Variants in IFT43 observed in about 807,000 individuals in gnomAD.
IFT43 encodes intraflagellar transport 43.
IFT43 carries 33 observed loss-of-function variants against 32.3 expected under a neutral mutation model. The ratio of observed to expected loss-of-function variants is 1.02; its 90% CI spans 0.77 to 1.37. The LOEUF (loss-of-function observed/expected upper bound fraction) is 1.37. Among genes scored for constraint, IFT43 ranks in the 40% most tolerant of loss-of-function variants. The probability of loss-of-function intolerance (pLI) is 0.00; values close to 1 mark genes in which losing one functional copy is unlikely to be tolerated. For synonymous variants in IFT43, 93 were observed against 98.2 expected (o/e 0.95, Z 0.31); for missense variants, 274 against 265.9 (o/e 1.03, Z -0.21).
At chr14:75,990,667 C>T (rs914032207) in intron 2 of IFT43, among the ~76,000 whole-genome samples, 1 of 152,042 alleles carries the variant, frequency 6.6e-6, no homozygotes, top group South Asian at 2.1e-4. Flanking sequence ...ATTGGAGGCA[C>T]AGTTAGGAGA....
chr14:76,018,578 G>T (rs72725676), intron 2 of IFT43, among the ~76,000 whole-genome samples: 3 of 152,088 alleles, frequency 2.0e-5, no homozygotes, highest in Admixed American at 1.3e-4. Flanking sequence ...GGTTTAAAGT[G>T]CAGTTTAAAT....
At chr14:76,054,004 A>G (rs1405080913) in intron 3 of IFT43, among the ~76,000 whole-genome samples, 2 of 152,222 alleles carry the variant, frequency 1.3e-5, no homozygotes, top group African/African-American at 4.8e-5. Flanking sequence ...CATGTTCATT[A>G]ATGCTTCCGT....
At chr14:75,998,518 G>C (rs1337471564) in intron 2 of IFT43, among the ~76,000 whole-genome samples, 2 of 152,230 alleles carry the variant, frequency 1.3e-5, no homozygotes, top group Non-Finnish European at 2.9e-5. Context: ...CCAAAAAATA[G>C]CTTGCCAAAA....
At chr14:76,061,170 C>T (rs973908697) in intron 5 of IFT43, among the ~76,000 whole-genome samples, 1 of 152,182 alleles carries the variant, frequency 6.6e-6, no homozygotes, top group African/African-American at 2.4e-5. Flanking sequence ...TGTGAGCCAC[C>T]TCGCCTGGCC....
chr14:76,029,872 T>TTTTAC (rs1220736831), intron 3 of IFT43, among the ~76,000 whole-genome samples: 5 of 141,190 alleles, frequency 3.5e-5, no homozygotes, highest in Middle Eastern at 6.9e-3. Flanking sequence ...TTTTATTTTA[T>TTTTAC]TTTATTTTAT....
intron 5 of IFT43, chr14:76,076,712 C>T: frequency 1.2e-6 from 2 of 1,613,804 alleles, no homozygotes; most frequent in Non-Finnish European, 1.7e-6. Flanking sequence ...GACTGTCAGT[C>T]TACGGGAACT....
At chr14:76,071,630 A>C (rs530243090) in intron 5 of IFT43, among the ~76,000 whole-genome samples, 4 of 152,232 alleles carry the variant, frequency 2.6e-5, no homozygotes, top group Non-Finnish European at 5.9e-5. Flanking sequence ...TCCTCCATAC[A>C]GGTACACGAT....
At chr14:76,043,786 A>G (rs2036752356) in intron 3 of IFT43, among the ~76,000 whole-genome samples, 1 of 152,190 alleles carries the variant, frequency 6.6e-6, no homozygotes, top group Admixed American at 6.5e-5. Context: ...AGTTTTACTC[A>G]ATTCTGACGC....
chr14:76,052,092 A>G (rs1328859679), intron 3 of IFT43, among the ~76,000 whole-genome samples: 1 of 151,954 alleles, frequency 6.6e-6, no homozygotes, highest in Non-Finnish European at 1.5e-5. Flanking sequence ...AGGTGGGTCT[A>G]GGGTCCAGTA....
chr14:76,039,369 G>A (rs1362526416), intron 3 of IFT43, among the ~76,000 whole-genome samples: 2 of 152,134 alleles, frequency 1.3e-5, no homozygotes, highest in Admixed American at 1.3e-4. Flanking sequence ...ATGTCACTGA[G>A]GCTGGTTTTG....
intron 2 of IFT43, 176 bp from the exon 3 acceptor site, chr14:76,022,151 T>G (rs1243665857): frequency 6.4e-6 from 1 of 155,766 alleles, no homozygotes; most frequent in Non-Finnish European, 1.4e-5. Context: ...CTCAGGAGGC[T>G]AAGGCAGGAG....
chr14:76,010,595 A>G (rs949492372), intron 2 of IFT43, among the ~76,000 whole-genome samples: 3 of 151,980 alleles, frequency 2.0e-5, no homozygotes, highest in Admixed American at 6.6e-5. Flanking sequence ...AATAGAATAT[A>G]TGTTTTATAC....
intron 3 of IFT43, among the ~76,000 whole-genome samples, chr14:76,025,546 A>G (rs1230379426): frequency 6.6e-6 from 1 of 152,224 alleles, no homozygotes; most frequent in Non-Finnish European, 1.5e-5. Flanking sequence ...ACACTACCCA[A>G]CTTCAAACTA....
intron 2 of IFT43, among the ~76,000 whole-genome samples, chr14:76,005,743 A>G (rs987188101): frequency 6.6e-6 from 1 of 152,190 alleles, no homozygotes; most frequent in Non-Finnish European, 1.5e-5. Context: ...ACACTCAGAT[A>G]ATCTATTTGA....
At chr14:76,007,782 G>A (rs913069361) in intron 2 of IFT43, among the ~76,000 whole-genome samples, 1 of 152,102 alleles carries the variant, frequency 6.6e-6, no homozygotes, top group African/African-American at 2.4e-5. Flanking sequence ...AGGGAAATGG[G>A]GCATGTCTTT....
At chr14:76,012,969 C>T (rs2036114788) in intron 2 of IFT43, among the ~76,000 whole-genome samples, 1 of 152,190 alleles carries the variant, frequency 6.6e-6, no homozygotes, top group African/African-American at 2.4e-5. Context: ...TAATCCTTCT[C>T]TTCCATATAG....
At chr14:76,055,057 A>G (rs562180960) in intron 3 of IFT43, among the ~76,000 whole-genome samples, 3 of 152,216 alleles carry the variant, frequency 2.0e-5, no homozygotes, top group Non-Finnish European at 4.4e-5. Context: ...TTAAAAATAC[A>G]GTCAGGGCTG....
chr14:76,016,793 A>T (rs1555364203), intron 2 of IFT43, among the ~76,000 whole-genome samples: 5 of 151,628 alleles, frequency 3.3e-5, no homozygotes, highest in Non-Finnish European at 7.4e-5. Flanking sequence ...ATTCCTAAGT[A>T]TTTTTTTTGT....
intron 3 of IFT43, among the ~76,000 whole-genome samples, chr14:76,033,411 C>T (rs11159164): frequency 0.27 from 40,565 of 151,950 alleles, 6,677 homozygotes; most frequent in East Asian, 0.4. Flanking sequence ...GGAAGTAGGG[C>T]GGATAGTTTT....
Sources: gnomAD v4.1 joint callset for allele counts (sites outside exome capture counted in the v4.1 genomes callset) on GRCh38, gnomAD v4.1.1 for gene constraint, MANE v1.5 for transcripts, NCBI Gene and HGNC (gene_info 2026-07-23, HGNC 2026-07-21) for gene names.